Variants in ADAMTS8 observed in about 807,000 individuals in gnomAD.
ADAMTS8 encodes ADAM metallopeptidase with thrombospondin type 1 motif 8, also known as A disintegrin and metalloproteinase with thrombospondin motifs 8.
Under a neutral mutation model 64.4 loss-of-function variants are expected in ADAMTS8, and 50 were observed. The observed-to-expected ratio is 0.78, with a 90% CI of 0.62 to 0.98. The LOEUF (loss-of-function observed/expected upper bound fraction) is 0.98, where lower values mean the gene tolerates loss of function less well. Ranked by LOEUF, ADAMTS8 falls within the 50% of genes least tolerant of loss-of-function variation. The pLI is 0.00. For synonymous variants in ADAMTS8, 556 were observed against 533.6 expected, an observed-to-expected ratio of 1.04 and a Z score of -0.58; for missense variants, 1,192 against 1,208.2, an observed-to-expected ratio of 0.99 and a Z score of 0.20.
At chr11:130,413,017 C>A (rs1045352575) in intron 5 of ADAMTS8, among the ~76,000 whole-genome samples, 1 of 152,080 alleles carries the variant, frequency 6.6e-6, no homozygotes, top group African/African-American at 2.4e-5. Flanking sequence ...ATTATAGGCA[C>A]CTGCCACCAC....
chr11:130,427,817 C>G lies in ADAMTS8; in HGVS notation c.470G>C (p.Gly157Ala). Residue 157 changes from glycine (G) to alanine (A), a missense_variant, in exon 1 of 9, where the codon GGA becomes GCA. Gly to Ala is a moderately conservative substitution (Grantham distance 60). Around this residue, in one of 5 missense-constraint regions of ADAMTS8, gnomAD observed 741 missense variants for 710.6 expected, o/e 1.04. Transcript: ENST00000257359. The stretch of plus-strand genomic sequence containing the variant: ...GGGTCCTCGCGGGAGGGGGCGGGCT[C>G]CGGCGGGACCCCAGCGCTGCAGGCG... Reference protein sequence around the residue: ...PHRLQRWGPAGARPLPRGPEW... With the variant: ...PHRLQRWGPAAARPLPRGPEW... 6.4e-7 allele frequency: 1 copy of G among 1,559,132 alleles called. No homozygotes were observed. Among genetic ancestry groups the G allele is most frequent in the East Asian group, 2.4e-5 (1 of 41,646 alleles).
Position 130,414,811 on chromosome 11 carries a change from G to A in ADAMTS8, c.1286C>T (p.Pro429Leu). Residue 429 changes from proline to leucine, a missense_variant, in exon 5 of 9, where the codon CCT (proline) becomes CTT (leucine). Physicochemically the swap from Pro to Leu is moderately conservative, Grantham distance 98. Around this residue, in one of 5 missense-constraint regions of ADAMTS8, gnomAD observed 741 missense variants for 710.6 expected, o/e 1.04. Coordinates refer to ENST00000257359, the MANE Select transcript of ADAMTS8 (RefSeq NM_007037.6). Reference protein sequence around the residue: ...GGHGDCLLDAPAAALPLPTGL... With the variant: ...GGHGDCLLDALAAALPLPTGL... ...TGTGGGGAGGGGCAGGGCCGCAGCAGGGGCATCCAGGAGACAGTCTCCTGG... is the reference window on the plus strand; with the variant it reads ...TGTGGGGAGGGGCAGGGCCGCAGCAAGGGCATCCAGGAGACAGTCTCCTGG... 1 of 1,609,402 alleles carries A rather than the reference G, an allele frequency of 6.2e-7. No individual in the cohort carries two copies. Among genetic ancestry groups the A allele is most frequent in the Non-Finnish European group, 8.5e-7 (1 of 1,177,368 alleles).
intron 1 of ADAMTS8, among the ~76,000 whole-genome samples, chr11:130,426,664 G>A (rs931726245): frequency 6.6e-6 from 1 of 152,204 alleles, no homozygotes; most frequent in Admixed American, 6.5e-5. Context: ...CTCCTGCTGA[G>A]TCAGCACCAT....
chr11:130,423,816 C>A (rs55919247), intron 1 of ADAMTS8, among the ~76,000 whole-genome samples: 2,631 of 152,302 alleles, frequency 0.017, 78 homozygotes, highest in African/African-American at 0.061. Context: ...ACAGGGGACA[C>A]TGAGCAGCAG....
At chr11:130,420,616 G>A (rs775468468) in intron 1 of ADAMTS8, among the ~76,000 whole-genome samples, 4 of 152,136 alleles carry the variant, frequency 2.6e-5, no homozygotes, top group Non-Finnish European at 4.4e-5. Flanking sequence ...TCCATCGGGT[G>A]AGGCCATGTG....
rs375156136 is a variant in ADAMTS8 at position 130,408,429 on chromosome 11, A to G, written c.2099+35T>C. The stretch of plus-strand genomic sequence containing the variant: ...AGTGCAAAGCCCATTATGCTCTTCT[A>G]CCAAGCAAGGTACAGAACTTCTGGG... On this transcript the variant is annotated intron_variant, in intron 8 of 8. Coordinates refer to ENST00000257359, the MANE Select transcript of ADAMTS8 (RefSeq NM_007037.6). 3.7e-6 allele frequency: 6 copies of G among 1,610,414 alleles called. No homozygotes were observed. The African/African-American group carries it at 5.3e-5, about 14-fold the overall frequency.
intron 2 of ADAMTS8, among the ~76,000 whole-genome samples, chr11:130,417,664 G>A (rs1862045416): frequency 6.9e-6 from 1 of 144,386 alleles, no homozygotes; most frequent in South Asian, 2.1e-4. Flanking sequence ...CTGGGCACAA[G>A]TGATTCTCTC....
chr11:130,417,003 T>C lies in ADAMTS8; in HGVS notation c.1033A>G (p.Lys345Glu). 6.2e-7 allele frequency: 1 copy of C among 1,614,068 alleles called. No homozygotes were observed. Among genetic ancestry groups the C allele is most frequent in the African/African-American group, 1.3e-5 (1 of 75,012 alleles). ...ADIGTICDPN[K>E]SCSVIEDEGL... ...TCATCCTCGATCACGGAGCAGCTTT[T>C]GTTGGGGTCACAAATGGTCCCGATG... Residue 345 changes from lysine to glutamate, a missense_variant, in exon 3 of 9, where the codon AAA becomes GAA. By Grantham distance (56) the Lys-to-Glu change is moderately conservative. This residue lies in a region of ADAMTS8 where 741 missense variants were observed against 710.6 expected (regional missense o/e 1.04). Coordinates refer to ENST00000257359, the MANE Select transcript of ADAMTS8 (RefSeq NM_007037.6).
intron 7 of ADAMTS8, 35 bp from the exon 8 acceptor site, chr11:130,408,674 G>A: frequency 6.2e-7 from 1 of 1,612,978 alleles, no homozygotes; most frequent in Non-Finnish European, 8.5e-7. Context: ...GGGAGGGCGT[G>A]TTGAGCACAG....
chr11:130,415,603 CTTT>C (rs386375276), intron 4 of ADAMTS8, among the ~76,000 whole-genome samples: 4,147 of 104,794 alleles, frequency 0.04, 252 homozygotes, highest in African/African-American at 0.14. Flanking sequence ...GCACCTGGCC[CTTT>C]TTTTTTTTTT....
rs74338884 is a variant in ADAMTS8 at position 130,407,488 on chromosome 11, C to G, written c.2099+976G>C. 7.5e-3 allele frequency among the ~76,000 whole-genome samples: 1,140 copies of G among 152,270 alleles called. 16 individuals carry two copies. Among genetic ancestry groups the G allele is most frequent in the African/African-American group, 0.023 (948 of 41,550 alleles). On this transcript the variant is annotated intron_variant, in intron 8 of 8. Coordinates refer to ENST00000257359, the MANE Select transcript of ADAMTS8 (RefSeq NM_007037.6). ...AGACAGACAGACAGACAGACAGACACACACACACACACAGAATGGGGCAGG... is the reference window on the plus strand; with the variant it reads ...AGACAGACAGACAGACAGACAGACAGACACACACACACAGAATGGGGCAGG...
rs1416624944 is a variant in ADAMTS8 at position 130,405,672 on chromosome 11, C to A, written c.2556G>T (p.Trp852Cys). The A allele has an allele frequency of 6.2e-7, 1 of 1,614,038 alleles. No individual in the cohort carries two copies. The highest frequency in any genetic ancestry group is 1.1e-5 in the South Asian group (1 of 91,080). ...SECSSTCGAG[W>C]QRRTVECRDP... ...CCCTGCACTCTACAGTTCGCCTCTG[C>A]CAGCCGGCCCCGCAGGTGCTAGAGC... The change falls in exon 9 of 9, where the codon TGG (tryptophan) becomes TGT (cysteine). Residue 852 changes from tryptophan to cysteine, a missense_variant. By Grantham distance (215) the Trp-to-Cys change is radical. Transcript: ENST00000257359.
chr11:130,416,342 G>A lies in ADAMTS8; in HGVS notation c.1097-12C>T. On this transcript the variant is annotated splice_polypyrimidine_tract_variant and intron_variant, in intron 3 of 8. Transcript: ENST00000257359. The surrounding 1 kb of genome is among the most constrained non-coding windows in gnomAD (Gnocchi z 4.8). ...GCTGAGGACGTGCCCTGGGGAGAGAGGCCTGGTCCACTCCGCCCTGTCCTG... is the reference window on the plus strand; with the variant it reads ...GCTGAGGACGTGCCCTGGGGAGAGAAGCCTGGTCCACTCCGCCCTGTCCTG... 6.4e-7 allele frequency: 1 copy of A among 1,550,894 alleles called. No individual in the cohort carries two copies.
At chr11:130,409,335 A>G (rs1861924817) in intron 6 of ADAMTS8, among the ~76,000 whole-genome samples, 1 of 152,166 alleles carries the variant, frequency 6.6e-6, no homozygotes, top group Non-Finnish European at 1.5e-5. Context: ...GTGACACCGG[A>G]CATGAATCCA....
At position 130,408,711 on chromosome 11, in the gene ADAMTS8, T is replaced by C. The variant is rs548904201; in HGVS notation, c.1923+57A>G. The C allele has an allele frequency of 3.5e-5, 57 of 1,611,612 alleles. No individual in the cohort carries two copies. In the East Asian group the frequency reaches 1.2e-3, roughly 33 times the overall value. On this transcript the variant is annotated intron_variant, in intron 7 of 8. Coordinates refer to ENST00000257359, the MANE Select transcript of ADAMTS8 (RefSeq NM_007037.6). Reference sequence around the variant, plus strand: ...AGCAGCCTGCCGGGGGGCGGGGGTGTGGGGACAGGCGACCTTCCTCCCCAT... The same window carrying C: ...AGCAGCCTGCCGGGGGGCGGGGGTGCGGGGACAGGCGACCTTCCTCCCCAT...
chr11:130,416,962 G>A lies in ADAMTS8; in HGVS notation c.1074C>T (p.Ala358=). 6.2e-7 allele frequency: 1 copy of A among 1,614,120 alleles called. No homozygotes were observed. The highest frequency in any genetic ancestry group is 1.1e-5 in the South Asian group (1 of 91,080). Reference sequence around the variant, plus strand: ...TACCTAGTTCATGGGCCAGGGTGTGGGCCGCCTGGAGCCCCTCATCCTCGA... The same window carrying A: ...TACCTAGTTCATGGGCCAGGGTGTGAGCCGCCTGGAGCCCCTCATCCTCGA... The part of the protein sequence containing the change: ...SVIEDEGLQA[A]HTLAHELGHV... The change falls in exon 3 of 9, where the codon GCC becomes GCT. Residue 358 remains alanine (A), a synonymous_variant. Transcript: ENST00000257359. This position sits in a 1 kb window ranked among gnomAD's most constrained non-coding sequence, Gnocchi z 4.8.
chr11:130,417,937 G>A (rs895484270), intron 2 of ADAMTS8, among the ~76,000 whole-genome samples: 1 of 149,940 alleles, frequency 6.7e-6, no homozygotes, highest in African/African-American at 2.5e-5. Flanking sequence ...GACGAGGCAG[G>A]TAGATTGCTT....
At chr11:130,407,349 G>T (rs1190279308) in intron 8 of ADAMTS8, among the ~76,000 whole-genome samples, 1 of 152,114 alleles carries the variant, frequency 6.6e-6, no homozygotes, top group Non-Finnish European at 1.5e-5. Context: ...CTAGGCAACA[G>T]AGTGAGACTC....
At chr11:130,425,036 G>T (rs1459971521) in intron 1 of ADAMTS8, among the ~76,000 whole-genome samples, 2 of 152,170 alleles carry the variant, frequency 1.3e-5, no homozygotes, top group Non-Finnish European at 2.9e-5. Flanking sequence ...TGGTCCAGGT[G>T]GGCTGGCTGG....
Sources: allele counts gnomAD v4.1 joint callset (sites outside exome capture counted in the v4.1 genomes callset), GRCh38; gene constraint gnomAD v4.1.1; regional missense constraint gnomAD v4.1.1; non-coding constraint Gnocchi (gnomAD v3.1); transcripts MANE v1.5; gene names NCBI Gene and HGNC (gene_info 2026-07-23, HGNC 2026-07-21).